B4GALT6: variants seen among roughly 807,000 people sequenced by gnomAD.
B4GALT6 encodes the protein beta-1,4-galactosyltransferase 6, also known as UDP-Gal:beta-GlcNAc beta-1,4-galactosyltransferase 6.
Under a neutral mutation model 46.3 loss-of-function variants are expected in B4GALT6, and 14 were observed. The observed-to-expected ratio is 0.30, with a 90% confidence interval of 0.20 to 0.47. The LOEUF (loss-of-function observed/expected upper bound fraction) is 0.47. B4GALT6 is among the 20% of genes least tolerant of loss of function. The probability of loss-of-function intolerance (pLI) is 0.99; values close to 1 mark genes in which losing one functional copy is unlikely to be tolerated. For synonymous variants in B4GALT6, 168 were observed against 162.0 expected, an observed-to-expected ratio of 1.04 and a Z score of -0.28; for missense variants, 386 against 480.1, an observed-to-expected ratio of 0.80 and a Z score of 1.83.
chr18:31,685,352 C>T (rs1461934202), upstream of B4GALT6, among the ~76,000 whole-genome samples: 1 of 151,636 alleles, frequency 6.6e-6, no homozygotes, highest in African/African-American at 2.4e-5. Flanking sequence ...GCCGTCGGAG[C>T]CGCGTCTGGT....
chr18:31,678,485 T>C (rs531142911), intron 1 of B4GALT6, among the ~76,000 whole-genome samples: 30 of 152,344 alleles, frequency 2.0e-4, no homozygotes, highest in African/African-American at 6.0e-4. Context: ...AAATCTTCCA[T>C]TGTCCAGGGC....
the B4GALT6 span, among the ~76,000 whole-genome samples, chr18:31,700,244 G>T: frequency 1.3e-5 from 2 of 151,968 alleles, no homozygotes; most frequent in Non-Finnish European, 2.9e-5. Context: ...GAAAAAAATA[G>T]AATAGTAGAA....
chr18:31,659,930 T>A (rs979363788), intron 2 of B4GALT6, among the ~76,000 whole-genome samples: 17 of 147,836 alleles, frequency 1.1e-4, no homozygotes, highest in African/African-American at 4.2e-4. Context: ...GGAAGTCCAA[T>A]AAAGTTCTGA....
At chr18:31,654,970 CATT>C in intron 3 of B4GALT6, among the ~76,000 whole-genome samples, 1 of 152,146 alleles carries the variant, frequency 6.6e-6, no homozygotes, top group Non-Finnish European at 1.5e-5. Flanking sequence ...TTTCCTTGAC[CATT>C]GTAAAGTCTG....
Position 31,657,829 on chromosome 18 carries a change from A to G in B4GALT6, c.346+147T>C, listed in dbSNP as rs2074160202. The G allele has an allele frequency of 8.2e-6, 4 of 489,036 alleles. No individual in the cohort carries two copies. In the South Asian group the frequency reaches 2.8e-4, roughly 34 times the overall value. 30.3% of individuals were successfully genotyped at this position (489,036 alleles called of 1,614,324 possible). On this transcript the variant is annotated intron_variant, in intron 3 of 8. Coordinates refer to ENST00000306851, the MANE Select transcript of B4GALT6 (RefSeq NM_004775.5). ...CGCTTTGCCAAAAAATAAATAAATA[A>G]ATAAAAGTTCAAATAACATGCTGCA...
chr18:31,715,865 A>G, the B4GALT6 span, among the ~76,000 whole-genome samples: 1 of 151,886 alleles, frequency 6.6e-6, no homozygotes, highest in South Asian at 2.1e-4. Context: ...TGTCTTTTTT[A>G]ATGGAATCAC....
chr18:31,634,619 T>C (rs773440168), intron 5 of B4GALT6, among the ~76,000 whole-genome samples: 1 of 152,204 alleles, frequency 6.6e-6, no homozygotes, highest in Non-Finnish European at 1.5e-5. Flanking sequence ...GTTTTCTTCT[T>C]TCACTCTCAT....
At chr18:31,660,518 A>G (rs2074200264) in intron 2 of B4GALT6, among the ~76,000 whole-genome samples, 1 of 152,136 alleles carries the variant, frequency 6.6e-6, no homozygotes. Flanking sequence ...CCTGGAAAGG[A>G]AGATAAGGCA....
At chr18:31,709,700 G>A in the B4GALT6 span, among the ~76,000 whole-genome samples, 1 of 151,434 alleles carries the variant, frequency 6.6e-6, no homozygotes, top group South Asian at 2.1e-4. Flanking sequence ...GTGGGAAAAT[G>A]ATGCTCTAAG....
At chr18:31,653,339 G>C (rs1045373939) in intron 3 of B4GALT6, among the ~76,000 whole-genome samples, 1 of 149,808 alleles carries the variant, frequency 6.7e-6, no homozygotes, top group South Asian at 2.1e-4. Flanking sequence ...CAGCTATCTT[G>C]TAAGACCCAG....
At chr18:31,711,384 A>G in the B4GALT6 span, among the ~76,000 whole-genome samples, 5 of 151,942 alleles carry the variant, frequency 3.3e-5, no homozygotes, top group Admixed American at 2.6e-4. Context: ...CAATAGTTAT[A>G]TTTTCTGCTC....
At chr18:31,697,398 G>T in the B4GALT6 span, among the ~76,000 whole-genome samples, 1 of 150,556 alleles carries the variant, frequency 6.6e-6, no homozygotes. Flanking sequence ...TTAGAGGAAG[G>T]GGGAAGAGGG....
chr18:31,696,639 A>G, the B4GALT6 span, among the ~76,000 whole-genome samples: 1 of 152,140 alleles, frequency 6.6e-6, no homozygotes, highest in Non-Finnish European at 1.5e-5. Flanking sequence ...CATGCCTACT[A>G]TTTCATTTCA....
At chr18:31,721,169 T>G in the B4GALT6 span, among the ~76,000 whole-genome samples, 3 of 116,104 alleles carry the variant, frequency 2.6e-5, no homozygotes, top group African/African-American at 1.0e-4. Flanking sequence ...ACAGCGTATG[T>G]CCACCGGGGC....
the B4GALT6 span, among the ~76,000 whole-genome samples, chr18:31,707,705 T>TC: frequency 5.9e-5 from 9 of 151,974 alleles, no homozygotes; most frequent in East Asian, 1.9e-4. Flanking sequence ...TTTAAAAATT[T>TC]CCCCCCCACA....
At chr18:31,709,180 G>A in the B4GALT6 span, among the ~76,000 whole-genome samples, 7 of 151,736 alleles carry the variant, frequency 4.6e-5, no homozygotes, top group African/African-American at 7.3e-5. Context: ...GTTTCATTTC[G>A]TAACCAACCC....
At chr18:31,639,739 A>C (rs577177851) in intron 4 of B4GALT6, among the ~76,000 whole-genome samples, 2 of 152,296 alleles carry the variant, frequency 1.3e-5, no homozygotes, top group East Asian at 3.9e-4. Context: ...ATAGTTTCTT[A>C]GTACGTTAAT....
At chr18:31,703,758 A>G in the B4GALT6 span, among the ~76,000 whole-genome samples, 1 of 152,218 alleles carries the variant, frequency 6.6e-6, no homozygotes, top group Non-Finnish European at 1.5e-5. Context: ...AGCAGAACCA[A>G]ACAAATGCAT....
At chr18:31,683,054 A>AT (rs2074499206) in intron 1 of B4GALT6, among the ~76,000 whole-genome samples, 1 of 152,172 alleles carries the variant, frequency 6.6e-6, no homozygotes, top group Non-Finnish European at 1.5e-5. Flanking sequence ...CTATTTTGGG[A>AT]TACGTCAACG....
Sources: gnomAD v4.1 joint callset for allele counts (sites outside exome capture counted in the v4.1 genomes callset) on GRCh38, gnomAD v4.1.1 for gene constraint, MANE v1.5 for transcripts, NCBI Gene and HGNC (gene_info 2026-07-23, HGNC 2026-07-21) for gene names.